The following PTAR1 variants were observed in gnomAD, a reference collection of about 807,000 sequenced individuals.
PTAR1 encodes protein prenyltransferase alpha subunit repeat-containing protein 1.
In PTAR1, 17 loss-of-function variants were observed where a neutral mutation model predicts 45.5. The ratio of observed to expected loss-of-function variants is 0.37; its 90% CI spans 0.26 to 0.56. The LOEUF (loss-of-function observed/expected upper bound fraction) is 0.56. Among genes scored for constraint, PTAR1 ranks in the 20% least tolerant of loss-of-function variants. PTAR1 has a pLI of 0.77. For synonymous variants in PTAR1, 169 were observed against 171.3 expected (o/e 0.99, Z 0.11); for missense variants, 391 against 476.3 (o/e 0.82, Z 1.67).
At chr9:69,734,558 G>A (rs1445351796) in intron 3 of PTAR1, among the ~76,000 whole-genome samples, 1 of 152,068 alleles carries the variant, frequency 6.6e-6, no homozygotes, top group Non-Finnish European at 1.5e-5. Context: ...GAGGGTAAAT[G>A]GGGTTTTCTG....
intron 1 of PTAR1, chr9:69,758,738 G>A (rs774689047): frequency 8.1e-6 from 3 of 368,350 alleles, no homozygotes; most frequent in African/African-American, 2.1e-5. Context: ...TAAGATACAC[G>A]TTTGGCAACT....
At chr9:69,753,751 G>A (rs573180920) in intron 1 of PTAR1, among the ~76,000 whole-genome samples, 2 of 152,266 alleles carry the variant, frequency 1.3e-5, no homozygotes, top group Non-Finnish European at 2.9e-5. Flanking sequence ...GAGGTAGTAG[G>A]GTGTAAAGAC....
At chr9:69,721,456 G>A (rs1036530271) in intron 6 of PTAR1, among the ~76,000 whole-genome samples, 1 of 152,180 alleles carries the variant, frequency 6.6e-6, no homozygotes, top group African/African-American at 2.4e-5. Context: ...AAGATGCTGT[G>A]AACATTGTTG....
In PTAR1 at chr9:69,723,605, G is replaced by A. The variant is rs1190720168; in HGVS notation, c.668C>T (p.Thr223Ile). The A allele has an allele frequency of 6.2e-7, 1 of 1,609,290 alleles. No homozygotes were observed. The highest frequency in any genetic ancestry group is 1.7e-5 in the Admixed American group (1 of 59,634). The change falls in exon 6 of 8, where the codon ACT becomes ATT. Residue 223 changes from threonine (T) to isoleucine (I), a missense_variant. Thr to Ile is a moderately conservative substitution (Grantham distance 89). Coordinates refer to ENST00000340434, the MANE Select transcript of PTAR1 (RefSeq NM_001099666.2). The stretch of plus-strand genomic sequence containing the variant: ...AACGTGCATAGATGCCCAATGTTTA[G>A]TAGAAGATAGTTCATCAAGAAGAAT... ...VKILLDELSS[T>I]KHWASMHVSD...
chr9:69,718,718 A>C (rs1186049885), intron 6 of PTAR1, 34 bp from the exon 7 acceptor site: 2 of 1,465,220 alleles, frequency 1.4e-6, no homozygotes, highest in Non-Finnish European at 1.8e-6. Context: ...AGAATAAAGA[A>C]AATCACATTA....
rs532636487 is a variant in PTAR1, at chr9:69,720,263, C to T, written c.948-1579G>A. Among the ~76,000 whole-genome samples, 22 of 152,226 alleles carry T rather than the reference C, an allele frequency of 1.4e-4. No homozygotes were observed. The South Asian group carries it at 3.7e-3, about 26-fold the overall frequency. ...ACCCAGTGAACACACAAATGATAAG[C>T]GAAACACAGTCTTACTGCTGATATG... is the stretch of plus-strand genomic sequence containing the variant. On this transcript the variant is annotated intron_variant, in intron 6 of 7. Transcript: ENST00000340434.
At position 69,712,954 on chromosome 9, in the gene PTAR1, T is replaced by C. The variant is rs146329856; in HGVS notation, c.*5388A>G. ...AATAGTTTATAAAAAATACGATCTA[T>C]ACTAAAATTTAAGAGCTAATAATAT... On this transcript the variant is annotated 3_prime_UTR_variant, in exon 8 of 8. Coordinates refer to ENST00000340434, the MANE Select transcript of PTAR1 (RefSeq NM_001099666.2). The C allele has an allele frequency of 6.6e-6, 1 of 152,216 alleles. No homozygotes were observed. The highest frequency in any genetic ancestry group is 6.6e-5 in the Admixed American group (1 of 15,258). 9.4% of individuals were successfully genotyped at this position (152,216 alleles called of 1,614,324 possible). A position where few individuals can be genotyped will look rare whatever the true frequency, so the allele number is the denominator to read the frequency against.
intron 2 of PTAR1, among the ~76,000 whole-genome samples, chr9:69,742,588 C>G (rs940159741): frequency 6.6e-6 from 1 of 151,850 alleles, no homozygotes. Flanking sequence ...GCTATATTTC[C>G]TGAAGCAGAA....
chr9:69,739,093 A>G (rs1320280999), intron 3 of PTAR1, among the ~76,000 whole-genome samples: 2 of 152,224 alleles, frequency 1.3e-5, no homozygotes, highest in Non-Finnish European at 2.9e-5. Flanking sequence ...GGCGTGAGCC[A>G]CCATGCCCGG....
intron 3 of PTAR1, 177 bp downstream of exon 3, chr9:69,741,615 C>A (rs974595691): frequency 3.6e-6 from 2 of 560,076 alleles, no homozygotes; most frequent in Admixed American, 3.0e-5. Context: ...TTTATGAAGA[C>A]ACCACACAAA....
intron 6 of PTAR1, among the ~76,000 whole-genome samples, chr9:69,722,887 C>T (rs1003139161): frequency 2.1e-5 from 3 of 142,632 alleles, no homozygotes; most frequent in Admixed American, 7.5e-5. Context: ...TGCAGTGAGC[C>T]GAGATCGCGC....
chr9:69,732,074 G>C, intron 5 of PTAR1, 65 bp downstream of exon 5: 1 of 1,151,712 alleles, frequency 8.7e-7, no homozygotes. Context: ...TTCTGAGAAT[G>C]AACTACTACC....
chr9:69,743,317 T>C (rs192377318), intron 2 of PTAR1, among the ~76,000 whole-genome samples: 17 of 152,306 alleles, frequency 1.1e-4, no homozygotes, highest in African/African-American at 4.1e-4. Flanking sequence ...AAACAAAATG[T>C]CTGCCTACAA....
rs189191748 is a variant in PTAR1, at chr9:69,718,164, C to T, written c.*178G>A. 1.5e-5 allele frequency: 8 copies of T among 528,600 alleles called. No homozygotes were observed. The highest frequency in any genetic ancestry group is 2.9e-5 in the East Asian group (1 of 34,366). The allele number at this position is 528,600 out of a possible 1,614,324, so 32.7% of individuals were successfully genotyped here. A position where few individuals can be genotyped will look rare whatever the true frequency, so the allele number is the denominator to read the frequency against. ...GAACTATACGATTATTTTATCCCCACAGGAATGCCAGTTATTAACAAAATA... is the reference window on the plus strand; with the variant it reads ...GAACTATACGATTATTTTATCCCCATAGGAATGCCAGTTATTAACAAAATA... On this transcript the variant is annotated 3_prime_UTR_variant, in exon 8 of 8. Coordinates refer to ENST00000340434, the MANE Select transcript of PTAR1 (RefSeq NM_001099666.2).
intron 5 of PTAR1, 94 bp from the exon 6 acceptor site, chr9:69,723,724 T>C: frequency 2.0e-6 from 2 of 976,616 alleles, no homozygotes; most frequent in Non-Finnish European, 3.0e-6. Context: ...TTTGTTCCTT[T>C]TTTGACAAGA....
chr9:69,735,731 T>C (rs1825758012), intron 3 of PTAR1, among the ~76,000 whole-genome samples: 1 of 152,056 alleles, frequency 6.6e-6, no homozygotes. Flanking sequence ...GTCCTTCCTG[T>C]GTAGGGCTGA....
Position 69,748,263 on chromosome 9 carries a change from T to A in PTAR1, c.256+2518A>T, listed in dbSNP as rs373321735. On this transcript the variant is annotated intron_variant, in intron 2 of 7. Coordinates refer to ENST00000340434, the MANE Select transcript of PTAR1 (RefSeq NM_001099666.2). Reference sequence around the variant, plus strand: ...ATGGCAGGAGGGCACTCCTGAAGAGTTGCACCAGAGAGCTCTGTCCAGAAA... The same window carrying A: ...ATGGCAGGAGGGCACTCCTGAAGAGATGCACCAGAGAGCTCTGTCCAGAAA... 7.2e-4 allele frequency among the ~76,000 whole-genome samples: 109 copies of A among 151,890 alleles called. 1 individual carries two copies. In the South Asian group the frequency reaches 0.022, roughly 30 times the overall value.
intron 6 of PTAR1, 63 bp from the exon 7 acceptor site, chr9:69,718,747 G>C: frequency 1.5e-6 from 2 of 1,347,726 alleles, no homozygotes; most frequent in South Asian, 1.6e-5. Flanking sequence ...AGCTTTTCCA[G>C]AAAAAAAAGT....
rs1824563093 is a variant in PTAR1, at chr9:69,712,521, G to A, written c.*5821C>T. The stretch of plus-strand genomic sequence containing the variant: ...TGCAAAATGGTATATTTTTCCCAAA[G>A]CTAAGAATATGGACAATGATGATAT... On this transcript the variant is annotated 3_prime_UTR_variant, in exon 8 of 8. Transcript: ENST00000340434. The A allele has an allele frequency of 6.6e-6, 1 of 152,082 alleles. No homozygotes were observed. Among genetic ancestry groups the A allele is most frequent in the Admixed American group, 6.6e-5 (1 of 15,262 alleles). 9.4% of individuals were successfully genotyped at this position (152,082 alleles called of 1,614,324 possible). A position where few individuals can be genotyped will look rare whatever the true frequency, so the allele number is the denominator to read the frequency against.
Sources: gnomAD v4.1 joint callset for allele counts (sites outside exome capture counted in the v4.1 genomes callset) on GRCh38, gnomAD v4.1.1 for gene constraint, MANE v1.5 for transcripts, NCBI Gene and HGNC (gene_info 2026-07-23, HGNC 2026-07-21) for gene names.